Variants in RBL2 observed in about 807,000 individuals in gnomAD.
The protein encoded by RBL2 is retinoblastoma-like protein 2.
A neutral mutation model predicts 126.0 loss-of-function variants in RBL2; 56 were observed. The ratio of observed to expected loss-of-function variants is 0.44; its 90% CI spans 0.36 to 0.56. The LOEUF is 0.56. Among genes scored for constraint, RBL2 ranks in the 20% least tolerant of loss-of-function variants. The probability of loss-of-function intolerance (pLI) is 0.00; values close to 1 mark genes in which losing one functional copy is unlikely to be tolerated. For synonymous variants in RBL2, 454 were observed against 478.5 expected, an observed-to-expected ratio of 0.95 and a Z score of 0.67; for missense variants, 1,229 against 1,398.2, an observed-to-expected ratio of 0.88 and a Z score of 1.93.
chr16:53,479,036 C>CTAAA (rs1960839639), intron 17 of RBL2, 118 bp from the exon 18 acceptor site: 2 of 769,038 alleles, frequency 2.6e-6, no homozygotes, highest in South Asian at 3.1e-5. Context: ...TTTCCAGAGA[C>CTAAA]TTTAAATAGC....
In RBL2 at chr16:53,434,512, C is replaced by A. The variant is rs1177239486; in HGVS notation, c.-45C>A. 3.7e-6 allele frequency: 5 copies of A among 1,369,560 alleles called. No homozygotes were observed. The highest frequency in any genetic ancestry group is 4.7e-6 in the Non-Finnish European group (5 of 1,067,066). 84.8% of individuals were successfully genotyped at this position (1,369,560 alleles called of 1,614,324 possible). A position where few individuals can be genotyped will look rare whatever the true frequency, so the allele number is the denominator to read the frequency against. On this transcript the variant is annotated 5_prime_UTR_variant, in exon 1 of 22. Coordinates refer to ENST00000262133, the MANE Select transcript of RBL2 (RefSeq NM_005611.4). ...CTTCGCCGTTTGAATGGCTGCGGGC[C>A]CGGGCCCTCACCTCACCTGAGGTCC...
At chr16:53,474,510 T>C (rs76540503) in intron 17 of RBL2, among the ~76,000 whole-genome samples, 2,434 of 152,090 alleles carry the variant, frequency 0.016, 71 homozygotes, top group African/African-American at 0.056. Context: ...GGGACGGGGT[T>C]TCTCCATATT....
intron 21 of RBL2, chr16:53,489,485 G>A (rs547146513): frequency 1.3e-5 from 2 of 149,118 alleles, no homozygotes; most frequent in South Asian, 4.4e-4. Context: ...AATGCTAAAG[G>A]TGCTGTACAG....
chr16:53,468,972 G>A (rs2058295035), intron 14 of RBL2, among the ~76,000 whole-genome samples: 1 of 152,212 alleles, frequency 6.6e-6, no homozygotes, highest in Non-Finnish European at 1.5e-5. Flanking sequence ...AAACTAGCCT[G>A]TAATACCAGC....
At chr16:53,442,594 A>G (rs950156095) in intron 2 of RBL2, 64 bp from the exon 3 acceptor site, 1 of 1,206,538 alleles carries the variant, frequency 8.3e-7, no homozygotes. Context: ...ACTTTTGAAT[A>G]CTTACTTTTG....
rs369476471 is a variant in RBL2 at position 53,461,191 on chromosome 16, G to C, written c.1347-550G>C. 3.3e-5 allele frequency among the ~76,000 whole-genome samples: 5 copies of C among 152,224 alleles called. No individual in the cohort carries two copies. The East Asian group carries it at 7.8e-4, about 24-fold the overall frequency. On this transcript the variant is annotated intron_variant, in intron 9 of 21. Coordinates refer to ENST00000262133, the MANE Select transcript of RBL2 (RefSeq NM_005611.4). ...CCAGGCCAAGGTTGCTAAACTTCCT[G>C]CACTGAAAGGTGTATCCCCGGCCGG...
chr16:53,471,169 T>G (rs2058319842), intron 17 of RBL2, among the ~76,000 whole-genome samples: 1 of 152,240 alleles, frequency 6.6e-6, no homozygotes, highest in African/African-American at 2.4e-5. Context: ...TTTTAGTTGT[T>G]TCTACTTTTG....
chr16:53,480,794 T>C, intron 20 of RBL2, 25 bp downstream of exon 20: 5 of 1,593,194 alleles, frequency 3.1e-6, no homozygotes, highest in Non-Finnish European at 4.3e-6. Flanking sequence ...GATTATTTCA[T>C]ACTTTTTTCA....
At chr16:53,478,294 T>C (rs1960804944) in intron 17 of RBL2, among the ~76,000 whole-genome samples, 1 of 152,190 alleles carries the variant, frequency 6.6e-6, no homozygotes, top group South Asian at 2.1e-4. Context: ...TTTACTGTGA[T>C]ATATCTGGGT....
At chr16:53,461,455 G>T (rs1015630041) in intron 9 of RBL2, among the ~76,000 whole-genome samples, 1 of 152,020 alleles carries the variant, frequency 6.6e-6, no homozygotes, top group African/African-American at 2.4e-5. Context: ...CTGCATCACT[G>T]CATTCCATCC....
chr16:53,442,756 C>A lies in RBL2; in HGVS notation c.470C>A (p.Thr157Asn), dbSNP rs746762623. The A allele has an allele frequency of 6.2e-7, 1 of 1,612,128 alleles. No homozygotes were observed. Among genetic ancestry groups the A allele is most frequent in the Non-Finnish European group, 8.5e-7 (1 of 1,178,254 alleles). Residue 157 changes from threonine to asparagine, a missense_variant, in exon 3 of 22, where the codon ACT becomes AAT. By Grantham distance (65) the Thr-to-Asn change is moderately conservative. This residue lies in a region of RBL2 where 1,070 missense variants were observed against 1,274.3 expected (regional missense o/e 0.84). Transcript: ENST00000262133. ...ACTGAGAGATTAGAAAGAAACTTCACTGTTTCTGCTGTAATTTTTAAGAAA... is the reference window on the plus strand; with the variant it reads ...ACTGAGAGATTAGAAAGAAACTTCAATGTTTCTGCTGTAATTTTTAAGAAA... Reference protein sequence around the residue: ...ERTERLERNFTVSAVIFKKYE... With the variant: ...ERTERLERNFNVSAVIFKKYE...
rs747053366 is a variant in RBL2, at chr16:53,465,574, A to G, written c.1835A>G (p.Asn612Ser). ...CCACTCTGGGAAAAAATTAGAGACA[A>G]TGAAAACAGAGTTCCTACATGTGAA... is the stretch of plus-strand genomic sequence containing the variant. ...ESPLWEKIRDNENRVPTCEEV... is the reference protein window; with the variant it reads ...ESPLWEKIRDSENRVPTCEEV... Residue 612 changes from asparagine (N) to serine (S), a missense_variant, in exon 13 of 22, where the codon AAT becomes AGT. This residue lies in a region of RBL2 where 1,070 missense variants were observed against 1,274.3 expected (regional missense o/e 0.84). Transcript: ENST00000262133. 10 of 1,595,528 alleles carry G rather than the reference A, an allele frequency of 6.3e-6. No homozygotes were observed. Among genetic ancestry groups the G allele is most frequent in the East Asian group, 2.3e-5 (1 of 44,286 alleles).
rs186107610 is a variant in RBL2 at position 53,471,399 on chromosome 16, T to A, written c.2703+477T>A. Among the ~76,000 whole-genome samples, 207 of 152,312 alleles carry A rather than the reference T, an allele frequency of 1.4e-3. 1 individual carries two copies. The highest frequency in any genetic ancestry group is 3.4e-3 in the Middle Eastern group (1 of 294). On this transcript the variant is annotated intron_variant, in intron 17 of 21. Coordinates refer to ENST00000262133, the MANE Select transcript of RBL2 (RefSeq NM_005611.4). ...GATTTTAGTTTCTCCACTATCTCAT[T>A]AACACTTACTATCTTACTTTGTTTA...
In RBL2 at chr16:53,453,475, A is replaced by G. The variant is rs775424477; in HGVS notation, c.790A>G (p.Lys264Glu). ...AGGCTTATCTGAAGATTTTCATGCT[A>G]AAGATTCTAAACCTTCCTCTGACCC... ...FKGLSEDFHAKDSKPSSDPPC... is the reference protein window; with the variant it reads ...FKGLSEDFHAEDSKPSSDPPC... Residue 264 changes from lysine to glutamate, a missense_variant, in exon 6 of 22, where the codon AAA becomes GAA. By Grantham distance (56) the Lys-to-Glu change is moderately conservative (BLOSUM62 1). Around this residue, in one of 2 missense-constraint regions of RBL2, gnomAD observed 1,070 missense variants for 1,274.3 expected, o/e 0.84. Coordinates refer to ENST00000262133, the MANE Select transcript of RBL2 (RefSeq NM_005611.4). The G allele has an allele frequency of 5.0e-6, 8 of 1,612,746 alleles. No individual in the cohort carries two copies. Among genetic ancestry groups the G allele is most frequent in the South Asian group, 1.1e-5 (1 of 90,960 alleles).
At chr16:53,477,983 A>T (rs1052118890) in intron 17 of RBL2, among the ~76,000 whole-genome samples, 1 of 152,180 alleles carries the variant, frequency 6.6e-6, no homozygotes, top group Non-Finnish European at 1.5e-5. Context: ...GGGGTTTGCT[A>T]GCACCAAATT....
intron 2 of RBL2, among the ~76,000 whole-genome samples, chr16:53,439,954 C>CAAAAAAAA (rs10591959): frequency 9.2e-4 from 85 of 91,918 alleles, no homozygotes; most frequent in African/African-American, 3.3e-3. Flanking sequence ...ACCTTGTCTC[C>CAAAAAAAA]AAAAAAAAAA....
chr16:53,459,405 C>G, intron 8 of RBL2, 46 bp from the exon 9 acceptor site: 1 of 1,508,498 alleles, frequency 6.6e-7, no homozygotes, highest in Non-Finnish European at 9.1e-7. Flanking sequence ...AAATAATGTT[C>G]TTTAAAAAAT....
intron 5 of RBL2, among the ~76,000 whole-genome samples, chr16:53,452,793 G>C (rs1482649592): frequency 1.3e-5 from 2 of 151,758 alleles, no homozygotes; most frequent in African/African-American, 4.8e-5. Flanking sequence ...CAGCCTCCCA[G>C]GTAGCTGGGA....
chr16:53,452,321 G>A (rs1287441093), intron 5 of RBL2, among the ~76,000 whole-genome samples: 1 of 152,092 alleles, frequency 6.6e-6, no homozygotes, highest in Non-Finnish European at 1.5e-5. Flanking sequence ...TAGAACTTAG[G>A]TATATAATTT....
Sources: gnomAD v4.1 joint callset for allele counts (sites outside exome capture counted in the v4.1 genomes callset) on GRCh38, gnomAD v4.1.1 for gene constraint, gnomAD v4.1.1 regional missense constraint, MANE v1.5 for transcripts, NCBI Gene and HGNC (gene_info 2026-07-23, HGNC 2026-07-21) for gene names.